PCDHA12: variants seen among roughly 807,000 people sequenced by gnomAD.
PCDHA12 encodes protocadherin alpha 12.
PCDHA12 carries 44 observed loss-of-function variants against 60.0 expected under a neutral mutation model. That is an observed-to-expected ratio of 0.73 (90% CI 0.58 to 0.94). The LOEUF (loss-of-function observed/expected upper bound fraction) is 0.94, where lower values mean the gene tolerates loss of function less well. Among genes scored for constraint, PCDHA12 ranks in the 40% least tolerant of loss-of-function variants. The pLI is 0.00. For synonymous variants in PCDHA12, 569 were observed against 553.0 expected, an observed-to-expected ratio of 1.03 and a Z score of -0.40; for missense variants, 1,276 against 1,239.7, an observed-to-expected ratio of 1.03 and a Z score of -0.44.
intron 1 of PCDHA12, among the ~76,000 whole-genome samples, chr5:140,918,920 G>A (rs1470075085): frequency 6.6e-6 from 1 of 152,204 alleles, no homozygotes; most frequent in Non-Finnish European, 1.5e-5. Context: ...TAACTACACA[G>A]CATATGGCAT....
intron 1 of PCDHA12, among the ~76,000 whole-genome samples, chr5:140,943,736 A>G (rs913454195): frequency 3.3e-5 from 5 of 152,266 alleles, no homozygotes; most frequent in Non-Finnish European, 7.3e-5. Context: ...ATGAAAGTCC[A>G]CAGTCTAAAA....
Position 140,928,056 on chromosome 5 carries a change from G to A in PCDHA12, c.2367+50217G>A, listed in dbSNP as rs183490994. ...CTAGTGCAGGCCCTTTTCAGCTGAC[G>A]GCTTCCTTTGACAACTACTACAGCC... On this transcript the variant is annotated intron_variant, in intron 1 of 3. Coordinates refer to ENST00000398631, the MANE Select transcript of PCDHA12 (RefSeq NM_018903.4). The A allele has an allele frequency of 2.8e-5, 45 of 1,614,154 alleles. 1 individual carries two copies. The East Asian group carries it at 4.7e-4, about 17-fold the overall frequency.
chr5:140,927,939 A>G (rs782391525), intron 1 of PCDHA12: 1 of 1,614,234 alleles, frequency 6.2e-7, no homozygotes, highest in Non-Finnish European at 8.5e-7. Flanking sequence ...CGAACCCAGT[A>G]CCTGAGGACG....
rs782148318 is a variant in PCDHA12 at position 140,876,536 on chromosome 5, T to C, written c.1064T>C (p.Leu355Pro). ...DNVPEVMVTSLSLPVQEDAQV... is the reference protein window; with the variant it reads ...DNVPEVMVTSPSLPVQEDAQV... The stretch of plus-strand genomic sequence containing the variant: ...GTCCCTGAAGTAATGGTTACTTCAC[T>C]GTCGCTCCCTGTGCAAGAGGATGCT... The change falls in exon 1 of 4, where the codon CTG (leucine) becomes CCG (proline). Residue 355 changes from leucine (L) to proline (P), a missense_variant. Coordinates refer to ENST00000398631, the MANE Select transcript of PCDHA12 (RefSeq NM_018903.4). The C allele has an allele frequency of 1.2e-6, 2 of 1,614,238 alleles. No homozygotes were observed. The highest frequency in any genetic ancestry group is 1.7e-6 in the Non-Finnish European group (2 of 1,180,032).
chr5:140,935,341 G>A (rs1318000398), intron 1 of PCDHA12, among the ~76,000 whole-genome samples: 5 of 152,046 alleles, frequency 3.3e-5, no homozygotes, highest in Non-Finnish European at 5.9e-5. Context: ...TCTCCCATAC[G>A]TCAAATCCCA....
At chr5:140,897,307 A>G (rs2065987327) in intron 1 of PCDHA12, among the ~76,000 whole-genome samples, 2 of 148,058 alleles carry the variant, frequency 1.4e-5, no homozygotes, top group African/African-American at 2.5e-5. Context: ...AGCATTAGGT[A>G]TATCTCCTAA....
At chr5:140,883,225 C>T in intron 1 of PCDHA12, 1 of 1,613,914 alleles carries the variant, frequency 6.2e-7, no homozygotes, top group East Asian at 2.2e-5. Context: ...ATGAAATATC[C>T]GTGGAGGCAG....
intron 3 of PCDHA12, among the ~76,000 whole-genome samples, chr5:141,001,524 C>T (rs952372807): frequency 6.6e-6 from 1 of 152,202 alleles, no homozygotes; most frequent in Non-Finnish European, 1.5e-5. Context: ...CTCCCTCTCT[C>T]TCTGATCCTG....
Position 140,890,095 on chromosome 5 carries a change from C to T in PCDHA12, c.2367+12256C>T, listed in dbSNP as rs1237299507. On this transcript the variant is annotated intron_variant, in intron 1 of 3. Coordinates refer to ENST00000398631, the MANE Select transcript of PCDHA12 (RefSeq NM_018903.4). ...TGAGAACTGATAATGCAAATTTATT[C>T]CCAACTCTGGATTCAATGATGTCAC... Among the ~76,000 whole-genome samples the T allele has an allele frequency of 2.6e-5, 4 of 152,128 alleles. 1 individual carries two copies. The highest frequency in any genetic ancestry group is 1.3e-4 in the Admixed American group (2 of 15,262).
chr5:140,918,786 A>T (rs2078853629), intron 1 of PCDHA12, among the ~76,000 whole-genome samples: 1 of 147,002 alleles, frequency 6.8e-6, no homozygotes, highest in African/African-American at 2.6e-5. Context: ...ATGTGAGGAC[A>T]CAGCAAAAAT....
At chr5:140,897,863 T>C (rs1432232591) in intron 1 of PCDHA12, among the ~76,000 whole-genome samples, 6 of 152,206 alleles carry the variant, frequency 3.9e-5, no homozygotes, top group Admixed American at 3.9e-4. Flanking sequence ...GTTTCCTGAC[T>C]TTTTAATGAT....
rs150390468 is a variant in PCDHA12 at position 140,876,777 on chromosome 5, G to A, written c.1305G>A (p.Leu435=). The A allele has an allele frequency of 2.3e-3, 3,781 of 1,614,244 alleles. 8 individuals carry two copies. Among genetic ancestry groups the A allele is most frequent in the Non-Finnish European group, 3.0e-3 (3,507 of 1,180,036 alleles). Residue 435 remains leucine (L), a synonymous_variant, in exon 1 of 4, where the codon CTG becomes CTA. Coordinates refer to ENST00000398631, the MANE Select transcript of PCDHA12 (RefSeq NM_018903.4). ...CGCGGGATGGGGGCTCGCCTTCGCT[G>A]TGGGCCACGGCTAGAGTGTCCGTGG... ...VTARDGGSPS[L]WATARVSVEV...
chr5:140,911,515 T>C (rs2075517327), intron 1 of PCDHA12, among the ~76,000 whole-genome samples: 1 of 152,226 alleles, frequency 6.6e-6, no homozygotes, highest in African/African-American at 2.4e-5. Flanking sequence ...CAGTATCTGC[T>C]TCTGAAGCTA....
In PCDHA12 at chr5:140,928,366, C is replaced by T. The variant is rs73793524; in HGVS notation, c.2367+50527C>T. 1.5e-3 allele frequency: 2,439 copies of T among 1,614,110 alleles called. 35 individuals carry two copies. In the African/African-American group the frequency reaches 0.03, roughly 20 times the overall value. ...GCTGTTGGATGTTATCTCTGAAGGG[C>T]CATCAGCCTCTAGCTTGCTGGCAGT... On this transcript the variant is annotated intron_variant, in intron 1 of 3. Coordinates refer to ENST00000398631, the MANE Select transcript of PCDHA12 (RefSeq NM_018903.4).
intron 1 of PCDHA12, among the ~76,000 whole-genome samples, chr5:140,938,665 G>A (rs542703903): frequency 7.1e-4 from 108 of 152,106 alleles, no homozygotes; most frequent in Admixed American, 1.2e-3. Context: ...ATTAGACTTA[G>A]TTTCCTAACA....
chr5:140,972,056 G>A (rs995898254), intron 1 of PCDHA12, among the ~76,000 whole-genome samples: 8 of 152,106 alleles, frequency 5.3e-5, no homozygotes, highest in Non-Finnish European at 1.2e-4. Flanking sequence ...TCACCTAGTC[G>A]TATATATTAA....
chr5:140,927,478 C>T (rs959432734), intron 1 of PCDHA12: 12 of 1,613,944 alleles, frequency 7.4e-6, no homozygotes, highest in African/African-American at 1.3e-5. Flanking sequence ...TCGCGAACAG[C>T]GCGCCACCCA....
At chr5:140,939,894 T>A (rs1554213013) in intron 1 of PCDHA12, among the ~76,000 whole-genome samples, 1 of 152,220 alleles carries the variant, frequency 6.6e-6, no homozygotes, top group African/African-American at 2.4e-5. Flanking sequence ...TGTTCAAATA[T>A]TCTGCATTCT....
chr5:140,923,551 T>C (rs1398661049), intron 1 of PCDHA12, among the ~76,000 whole-genome samples: 1 of 152,146 alleles, frequency 6.6e-6, no homozygotes, highest in Non-Finnish European at 1.5e-5. Flanking sequence ...AAATGAAATA[T>C]CAGCAATGAA....
Sources: gnomAD v4.1 joint callset for allele counts (sites outside exome capture counted in the v4.1 genomes callset) on GRCh38, gnomAD v4.1.1 for gene constraint, MANE v1.5 for transcripts, NCBI Gene and HGNC (gene_info 2026-07-23, HGNC 2026-07-21) for gene names.